Variants in CTNNA2 observed in about 807,000 individuals in gnomAD.
The protein encoded by CTNNA2 is catenin alpha-2.
A neutral mutation model predicts 101.0 loss-of-function variants in CTNNA2; 42 were observed. The ratio of observed to expected loss-of-function variants is 0.42; its 90% CI spans 0.32 to 0.54. CTNNA2 has a LOEUF of 0.54. Ranked by LOEUF, CTNNA2 falls within the 20% of genes least tolerant of loss-of-function variation. The probability of loss-of-function intolerance (pLI) is 0.14; values close to 1 mark genes in which losing one functional copy is unlikely to be tolerated. For synonymous variants in CTNNA2, 450 were observed against 456.4 expected, an observed-to-expected ratio of 0.99 and a Z score of 0.18; for missense variants, 871 against 1,223.1, an observed-to-expected ratio of 0.71 and a Z score of 4.29.
chr2:80,457,100 A>G (rs1684044814), intron 9 of CTNNA2, among the ~76,000 whole-genome samples: 1 of 151,782 alleles, frequency 6.6e-6, no homozygotes, highest in Non-Finnish European at 1.5e-5. Flanking sequence ...TTTTTTGGAC[A>G]GAGTCTCGCT....
chr2:79,789,988 T>C (rs948700481), intron 3 of CTNNA2, among the ~76,000 whole-genome samples: 2 of 152,028 alleles, frequency 1.3e-5, no homozygotes, highest in Non-Finnish European at 2.9e-5. Flanking sequence ...GTCAGCCAAT[T>C]AGAAAAACAG....
At chr2:80,480,219 C>T (rs1377667436) in intron 9 of CTNNA2, among the ~76,000 whole-genome samples, 13 of 151,902 alleles carry the variant, frequency 8.6e-5, no homozygotes, top group African/African-American at 3.1e-4. Context: ...ATGCATTTTC[C>T]TACATGGAAT....
intron 1 of CTNNA2, among the ~76,000 whole-genome samples, chr2:79,644,891 G>A (rs1680699867): frequency 2.0e-5 from 3 of 152,176 alleles, no homozygotes; most frequent in Admixed American, 2.0e-4. Flanking sequence ...GTGTAACTAA[G>A]CCTTGGGATT....
intron 9 of CTNNA2, among the ~76,000 whole-genome samples, chr2:80,439,557 C>A (rs1032824534): frequency 1.3e-5 from 2 of 152,014 alleles, no homozygotes; most frequent in Admixed American, 1.3e-4. Context: ...AACCACCACA[C>A]CTGGCTAATT....
intron 7 of CTNNA2, among the ~76,000 whole-genome samples, chr2:80,171,176 A>G (rs548719351): frequency 2.0e-4 from 31 of 152,338 alleles, no homozygotes; most frequent in Admixed American, 1.8e-3. Flanking sequence ...GGATGGAATA[A>G]CATTGGCTCC....
At chr2:79,795,895 G>A (rs1458093963) in intron 3 of CTNNA2, among the ~76,000 whole-genome samples, 5 of 152,172 alleles carry the variant, frequency 3.3e-5, no homozygotes, top group African/African-American at 1.2e-4. Flanking sequence ...TGAAATGTCT[G>A]TCTTTAACAA....
intron 2 of CTNNA2, among the ~76,000 whole-genome samples, chr2:79,731,457 T>C (rs113269139): frequency 1.3e-5 from 2 of 152,216 alleles, no homozygotes; most frequent in African/African-American, 4.8e-5. Context: ...AACTGATTGA[T>C]AATCCCTCTG....
At chr2:80,129,945 G>A (rs979797072) in intron 7 of CTNNA2, among the ~76,000 whole-genome samples, 1 of 152,110 alleles carries the variant, frequency 6.6e-6, no homozygotes, top group South Asian at 2.1e-4. Flanking sequence ...AGTCAGAACT[G>A]AAATCTAAAT....
intron 7 of CTNNA2, among the ~76,000 whole-genome samples, chr2:79,975,183 A>G (rs995801543): frequency 2.6e-5 from 4 of 152,178 alleles, no homozygotes; most frequent in African/African-American, 2.4e-5. Context: ...TTTGAGTTAG[A>G]GGCAGACTCT....
chr2:80,362,932 C>T (rs35653291), intron 7 of CTNNA2, among the ~76,000 whole-genome samples: 4,700 of 149,750 alleles, frequency 0.031, 113 homozygotes, highest in Non-Finnish European at 0.048. Flanking sequence ...CTTAGGTTTG[C>T]TATATATCAG....
chr2:79,777,215 G>C (rs1376887273), intron 3 of CTNNA2: 2 of 152,016 alleles, frequency 1.3e-5, no homozygotes, highest in East Asian at 3.9e-4. Context: ...GTCCTCATGG[G>C]GCCCCTACCT....
intron 4 of CTNNA2, among the ~76,000 whole-genome samples, chr2:79,417,118 G>A (rs1341620697): frequency 6.6e-6 from 1 of 152,066 alleles, no homozygotes; most frequent in Non-Finnish European, 1.5e-5. Context: ...TCTTTTGAGT[G>A]TATTGGACAG....
intron 1 of CTNNA2, among the ~76,000 whole-genome samples, chr2:79,551,167 A>G (rs1441552880): frequency 6.6e-6 from 1 of 152,146 alleles, no homozygotes; most frequent in Non-Finnish European, 1.5e-5. Flanking sequence ...TTGGAAGCTT[A>G]TTTTGCCAAG....
chr2:79,300,915 A>G (rs1676093380), intron 2 of CTNNA2, among the ~76,000 whole-genome samples: 1 of 152,066 alleles, frequency 6.6e-6, no homozygotes, highest in Non-Finnish European at 1.5e-5. Context: ...TTGCCTCTCC[A>G]GGTGTATTTT....
chr2:80,203,609 A>T (rs1355508107), intron 7 of CTNNA2, among the ~76,000 whole-genome samples: 1 of 152,206 alleles, frequency 6.6e-6, no homozygotes, highest in Non-Finnish European at 1.5e-5. Context: ...GTGGCTTTGC[A>T]GGATATTGCT....
intron 1 of CTNNA2, among the ~76,000 whole-genome samples, chr2:79,635,358 G>A (rs867455153): frequency 1.3e-4 from 20 of 151,964 alleles, no homozygotes; most frequent in African/African-American, 4.8e-4. Flanking sequence ...CGTGAACCCG[G>A]GAGGTGGAGC....
intron 18 of CTNNA2, among the ~76,000 whole-genome samples, chr2:80,620,813 C>A (rs1053758130): frequency 6.6e-6 from 1 of 151,858 alleles, no homozygotes; most frequent in Non-Finnish European, 1.5e-5. Context: ...GTAAGAAATG[C>A]TCATATTTTC....
intron 3 of CTNNA2, among the ~76,000 whole-genome samples, chr2:79,354,159 T>C (rs1304441774): frequency 6.6e-6 from 1 of 152,112 alleles, no homozygotes; most frequent in African/African-American, 2.4e-5. Context: ...GTCTTGGGGA[T>C]GATTGTTTTT....
intron 3 of CTNNA2, among the ~76,000 whole-genome samples, chr2:79,796,606 A>G (rs1675724189): frequency 6.6e-6 from 1 of 152,212 alleles, no homozygotes. Flanking sequence ...CAACGGGCTC[A>G]TCTCTGCCCA....
Sources: allele counts gnomAD v4.1 joint callset (sites outside exome capture counted in the v4.1 genomes callset), GRCh38; gene constraint gnomAD v4.1.1; transcripts MANE v1.5; gene names NCBI Gene and HGNC (gene_info 2026-07-23, HGNC 2026-07-21).